The following GNAL variants were observed in gnomAD, a reference collection of about 807,000 sequenced individuals.
The protein encoded by GNAL is guanine nucleotide-binding protein G(olf) subunit alpha.
GNAL carries 18 observed loss-of-function variants against 55.1 expected under a neutral mutation model. The observed-to-expected ratio is 0.33, with a 90% CI of 0.23 to 0.48. The LOEUF is 0.48. GNAL is among the 20% of genes least tolerant of loss of function. The pLI is 0.99. For synonymous variants in GNAL, 253 were observed against 237.0 expected, an observed-to-expected ratio of 1.07 and a Z score of -0.62; for missense variants, 412 against 614.1, an observed-to-expected ratio of 0.67 and a Z score of 3.48.
intron 4 of GNAL, among the ~76,000 whole-genome samples, chr18:11,770,942 C>G (rs1229433546): frequency 6.6e-6 from 1 of 151,952 alleles, no homozygotes; most frequent in African/African-American, 2.4e-5. Flanking sequence ...TGGCCAGGTG[C>G]GGTGGCTCAA....
In GNAL at chr18:11,864,540, T is replaced by A; in HGVS notation, c.785T>A (p.Leu262His). The A allele has an allele frequency of 6.4e-7, 1 of 1,554,752 alleles. No individual in the cohort carries two copies. Among genetic ancestry groups the A allele is most frequent in the Non-Finnish European group, 8.9e-7 (1 of 1,125,806 alleles). ...CCCTCTTCTTGTTCCCAGGACCTCCTCAGATGCAGAGTTCTGACATCTGGG... is the reference window on the plus strand; with the variant it reads ...CCCTCTTCTTGTTCCCAGGACCTCCACAGATGCAGAGTTCTGACATCTGGG... ...VDYTPTDQDL[L>H]RCRVLTSGIF... is the part of the protein sequence containing the mutation. Residue 262 changes from leucine to histidine, a missense_variant, in exon 7 of 12, where the codon CTC becomes CAC. This residue lies in a region of GNAL where 53 missense variants were observed against 182.7 expected (regional missense o/e 0.29). Coordinates refer to ENST00000334049, the MANE Select transcript of GNAL (RefSeq NM_182978.4).
rs557940949 is a variant in GNAL, at chr18:11,792,579, C to T, written c.625-32339C>T. Among the ~76,000 whole-genome samples the T allele has an allele frequency of 4.6e-5, 7 of 152,356 alleles. No homozygotes were observed. In the South Asian group the frequency reaches 8.3e-4, roughly 18 times the overall value. ...TTGAGAACAGGAGTATTGGCCATCTCGCCTTGTCCTAGACACATAATCTGC... is the reference window on the plus strand; with the variant it reads ...TTGAGAACAGGAGTATTGGCCATCTTGCCTTGTCCTAGACACATAATCTGC... On this transcript the variant is annotated intron_variant, in intron 4 of 11. Coordinates refer to ENST00000334049, the MANE Select transcript of GNAL (RefSeq NM_182978.4).
chr18:11,868,768 TG>T lies in GNAL; in HGVS notation c.1031+108del. 1.1e-6 allele frequency: 1 copy of T among 900,996 alleles called. No individual in the cohort carries two copies. Among genetic ancestry groups the T allele is most frequent in the Non-Finnish European group, 1.7e-6 (1 of 598,388 alleles). 55.8% of individuals were successfully genotyped at this position (900,996 alleles called of 1,614,324 possible). On this transcript the variant is annotated intron_variant, in intron 9 of 11. Coordinates refer to ENST00000334049, the MANE Select transcript of GNAL (RefSeq NM_182978.4). The surrounding 1 kb of genome is among the most constrained non-coding windows in gnomAD (Gnocchi z 4.0). ...TGGCTCACACCTGTAATCTCAACACTGGGAGGCCGAGGCAGGTGTGTCACTT... is the reference window on the plus strand; with the variant it reads ...TGGCTCACACCTGTAATCTCAACACTGGAGGCCGAGGCAGGTGTGTCACTT...
At chr18:11,814,890 C>T (rs2034912964) in intron 4 of GNAL, among the ~76,000 whole-genome samples, 1 of 146,956 alleles carries the variant, frequency 6.8e-6, no homozygotes, top group East Asian at 2.0e-4. Flanking sequence ...AAGAGTGAAA[C>T]TCCATCTCAA....
chr18:11,846,464 T>TACACACACAC (rs57334090), intron 5 of GNAL, among the ~76,000 whole-genome samples: 6,647 of 140,040 alleles, frequency 0.047, 221 homozygotes, highest in East Asian at 0.15. Context: ...TATATAAATA[T>TACACACACAC]ACACACACAC....
chr18:11,789,694 T>C (rs964067375), intron 4 of GNAL, among the ~76,000 whole-genome samples: 1 of 152,360 alleles, frequency 6.6e-6, no homozygotes, highest in South Asian at 2.1e-4. Context: ...TATCATCACC[T>C]CTGTCTTAGC....
At chr18:11,826,898 G>A (rs754731968) in intron 5 of GNAL, among the ~76,000 whole-genome samples, 3 of 152,194 alleles carry the variant, frequency 2.0e-5, no homozygotes, top group African/African-American at 4.8e-5. Context: ...ATGGTATGCA[G>A]AGCCTGGGAA....
At chr18:11,829,798 T>C (rs2035336544) in intron 5 of GNAL, among the ~76,000 whole-genome samples, 1 of 151,944 alleles carries the variant, frequency 6.6e-6, no homozygotes, top group Admixed American at 6.6e-5. Context: ...TCACTTGAGG[T>C]CAGGAGTTCG....
At chr18:11,795,638 T>A (rs937839152) in intron 4 of GNAL, among the ~76,000 whole-genome samples, 2 of 152,128 alleles carry the variant, frequency 1.3e-5, no homozygotes, top group African/African-American at 4.8e-5. Flanking sequence ...GAGACCTGTT[T>A]TAAATAGTCA....
Position 11,751,718 on chromosome 18 carries a change from A to G in GNAL, c.377-1135A>G. The G allele has an allele frequency of 1.0e-6, 1 of 955,388 alleles. No homozygotes were observed. The highest frequency in any genetic ancestry group is 5.4e-4 in the Middle Eastern group (1 of 1,858). The allele number at this position is 955,388 out of a possible 1,614,324, so 59.2% of individuals were successfully genotyped here. A position where few individuals can be genotyped will look rare whatever the true frequency, so the allele number is the denominator to read the frequency against. The stretch of plus-strand genomic sequence containing the variant: ...AGGCCGGTCAGCGTGTAAGCGCCCC[A>G]GCCGGCCGGGCTCCGTGGGGGGTCA... On this transcript the variant is annotated intron_variant, in intron 1 of 11. Transcript: ENST00000334049. The surrounding 1 kb of genome is among the most constrained non-coding windows in gnomAD (Gnocchi z 4.5).
intron 6 of GNAL, among the ~76,000 whole-genome samples, 160 bp from the exon 7 acceptor site, chr18:11,864,372 CG>C (rs2036213809): frequency 6.6e-6 from 1 of 152,212 alleles, no homozygotes; most frequent in Non-Finnish European, 1.5e-5. Flanking sequence ...GGATTACAGG[CG>C]TGAGTCACCA....
chr18:11,768,649 CTT>C (rs1598440666), intron 4 of GNAL, among the ~76,000 whole-genome samples: 1 of 149,436 alleles, frequency 6.7e-6, no homozygotes, highest in East Asian at 2.0e-4. Context: ...AATCCCAACA[CTT>C]TGGGAGGCCG....
chr18:11,820,830 T>C (rs1262891107), intron 4 of GNAL, among the ~76,000 whole-genome samples: 1 of 152,248 alleles, frequency 6.6e-6, no homozygotes, highest in East Asian at 1.9e-4. Flanking sequence ...GAGATTGTTG[T>C]CGCTTTTGTG....
intron 5 of GNAL, among the ~76,000 whole-genome samples, chr18:11,860,868 TCAGC>T (rs911652462): frequency 2.6e-5 from 4 of 152,000 alleles, no homozygotes; most frequent in African/African-American, 7.2e-5. Context: ...GAGCGGGAGG[TCAGC>T]CAGCCAGCCA....
At chr18:11,798,695 G>C (rs1465868888) in intron 4 of GNAL, among the ~76,000 whole-genome samples, 1 of 152,170 alleles carries the variant, frequency 6.6e-6, no homozygotes, top group Non-Finnish European at 1.5e-5. Flanking sequence ...AATTTTGAAA[G>C]ATGTTAAATG....
At chr18:11,770,942 C>T (rs1229433546) in intron 4 of GNAL, among the ~76,000 whole-genome samples, 1 of 151,952 alleles carries the variant, frequency 6.6e-6, no homozygotes, top group Non-Finnish European at 1.5e-5. Context: ...TGGCCAGGTG[C>T]GGTGGCTCAA....
intron 4 of GNAL, among the ~76,000 whole-genome samples, chr18:11,823,150 G>T (rs2035150140): frequency 6.6e-6 from 1 of 151,944 alleles, no homozygotes; most frequent in African/African-American, 2.4e-5. Flanking sequence ...CTTTACACGT[G>T]TGTGTGTGTG....
chr18:11,695,924 A>ACGCACG (rs1555640058), intron 1 of GNAL, among the ~76,000 whole-genome samples: 365 of 141,420 alleles, frequency 2.6e-3, no homozygotes, highest in African/African-American at 3.5e-3. Flanking sequence ...GCACGCATGC[A>ACGCACG]CACACACACA....
intron 1 of GNAL, among the ~76,000 whole-genome samples, chr18:11,699,897 G>A (rs185759044): frequency 6.6e-6 from 1 of 152,230 alleles, no homozygotes; most frequent in East Asian, 1.9e-4. Flanking sequence ...ATGGATTGCC[G>A]TACTCTATGA....
Sources: gnomAD v4.1 joint callset for allele counts (sites outside exome capture counted in the v4.1 genomes callset) on GRCh38, gnomAD v4.1.1 for gene constraint, gnomAD v4.1.1 regional missense constraint, Gnocchi (gnomAD v3.1) non-coding constraint, MANE v1.5 for transcripts, NCBI Gene and HGNC (gene_info 2026-07-23, HGNC 2026-07-21) for gene names.